Variants in FNDC3B observed in about 807,000 individuals in gnomAD.
The protein encoded by FNDC3B is fibronectin type III domain containing 3B.
In FNDC3B, 12 loss-of-function variants were observed where a neutral mutation model predicts 151.5. That is an observed-to-expected ratio of 0.08 (90% CI 0.05 to 0.13). FNDC3B has a LOEUF of 0.13. Among genes scored for constraint, FNDC3B ranks in the 10% least tolerant of loss-of-function variants. FNDC3B has a pLI of 1.00. For synonymous variants in FNDC3B, 528 were observed against 549.0 expected (o/e 0.96, Z 0.54); for missense variants, 1,214 against 1,505.3 (o/e 0.81, Z 3.20).
intron 6 of FNDC3B, among the ~76,000 whole-genome samples, chr3:172,274,219 T>C (rs6445054): frequency 0.2 from 30,542 of 152,180 alleles, 3,209 homozygotes; most frequent in East Asian, 0.32. Context: ...CCTTCTGTAA[T>C]TGGATATGGC....
intron 3 of FNDC3B, among the ~76,000 whole-genome samples, chr3:172,183,711 A>C (rs1724033468): frequency 6.6e-6 from 1 of 152,186 alleles, no homozygotes; most frequent in Non-Finnish European, 1.5e-5. Flanking sequence ...ATTAAATTCA[A>C]CTATATTATA....
chr3:172,201,313 C>T (rs1725140483), intron 3 of FNDC3B, among the ~76,000 whole-genome samples: 1 of 152,160 alleles, frequency 6.6e-6, no homozygotes, highest in Non-Finnish European at 1.5e-5. Context: ...TGGCTGCTCT[C>T]CAGACCCTGG....
At chr3:172,358,444 T>C (rs1249963118) in intron 22 of FNDC3B, among the ~76,000 whole-genome samples, 1 of 152,258 alleles carries the variant, frequency 6.6e-6, no homozygotes, top group African/African-American at 2.4e-5. Flanking sequence ...GTTCCTGAGA[T>C]CTTTGTCTCA....
chr3:172,220,228 C>A (rs1726213237), intron 3 of FNDC3B, among the ~76,000 whole-genome samples: 1 of 152,026 alleles, frequency 6.6e-6, no homozygotes. Context: ...GGTATCTCAT[C>A]ATGGTTTTGA....
At chr3:172,289,843 G>A (rs73031332) in intron 7 of FNDC3B, among the ~76,000 whole-genome samples, 13,318 of 152,214 alleles carry the variant, frequency 0.087, 1,750 homozygotes, top group African/African-American at 0.28. Flanking sequence ...TGCATTGGCT[G>A]TTACCTGTCT....
At chr3:172,392,301 C>T (rs1317682482) in intron 25 of FNDC3B, among the ~76,000 whole-genome samples, 19 of 152,144 alleles carry the variant, frequency 1.2e-4, no homozygotes, top group Non-Finnish European at 5.9e-5. Context: ...GATAACTCAC[C>T]AGGAGGAATG....
chr3:172,235,155 A>G (rs1433616002), intron 4 of FNDC3B, among the ~76,000 whole-genome samples: 1 of 152,170 alleles, frequency 6.6e-6, no homozygotes, highest in East Asian at 1.9e-4. Flanking sequence ...TTGCACATCA[A>G]TAACATCTAG....
intron 22 of FNDC3B, among the ~76,000 whole-genome samples, chr3:172,358,628 G>A (rs1734210983): frequency 6.6e-6 from 1 of 152,214 alleles, no homozygotes; most frequent in Non-Finnish European, 1.5e-5. Context: ...TGTTGGGATG[G>A]CGTGACACTC....
At chr3:172,397,056 G>T in intron 25 of FNDC3B, 108 bp from the exon 26 acceptor site, 1 of 799,416 alleles carries the variant, frequency 1.3e-6, no homozygotes. Context: ...TTATAAGAGT[G>T]AATGTGAATA....
chr3:172,101,784 A>G (rs1719390610), intron 1 of FNDC3B, among the ~76,000 whole-genome samples: 1 of 152,210 alleles, frequency 6.6e-6, no homozygotes, highest in Non-Finnish European at 1.5e-5. Context: ...GCAATTTATA[A>G]TTTGGTTTCT....
At chr3:172,041,159 G>A (rs1226574220) in intron 1 of FNDC3B, among the ~76,000 whole-genome samples, 1 of 152,056 alleles carries the variant, frequency 6.6e-6, no homozygotes, top group Admixed American at 6.5e-5. Flanking sequence ...CATCCCTGCT[G>A]GTTTCTAGTC....
At chr3:172,201,073 G>T (rs1018443066) in intron 3 of FNDC3B, among the ~76,000 whole-genome samples, 4 of 152,178 alleles carry the variant, frequency 2.6e-5, no homozygotes, top group African/African-American at 9.7e-5. Flanking sequence ...TGTTTGAACA[G>T]TGGTTCAGAA....
chr3:172,067,218 A>G (rs1717543272), intron 1 of FNDC3B, among the ~76,000 whole-genome samples: 1 of 152,174 alleles, frequency 6.6e-6, no homozygotes, highest in Non-Finnish European at 1.5e-5. Flanking sequence ...GATATTATTC[A>G]GACAGCAGTG....
In FNDC3B at chr3:172,189,799, T is replaced by TAAAA. The variant is rs60894339; in HGVS notation, c.188-37042_188-37039dup. Reference sequence around the variant, plus strand: ...CTGGGTGACAGAGTGAGACCTTGTCTAAAAAAAAAAAAAAAAAAAAAAAAA... The same window carrying TAAAA: ...CTGGGTGACAGAGTGAGACCTTGTCTAAAAAAAAAAAAAAAAAAAAAAAAAAAAA... On this transcript the variant is annotated intron_variant, in intron 3 of 25. Coordinates refer to ENST00000415807, the MANE Select transcript of FNDC3B (RefSeq NM_022763.4). 2.0e-4 allele frequency among the ~76,000 whole-genome samples: 17 copies of TAAAA among 84,310 alleles called. 1 individual carries two copies. The highest frequency in any genetic ancestry group is 3.5e-4 in the Non-Finnish European group (16 of 45,562). The allele number at this position is 84,310 out of a possible 152,430, so 55.3% of individuals were successfully genotyped here. A position where few individuals can be genotyped will look rare whatever the true frequency, so the allele number is the denominator to read the frequency against.
intron 3 of FNDC3B, among the ~76,000 whole-genome samples, chr3:172,212,995 G>A (rs986661438): frequency 2.6e-5 from 4 of 152,016 alleles, no homozygotes; most frequent in African/African-American, 9.7e-5. Flanking sequence ...GTATTTTCTG[G>A]TTGTGGCTTT....
At chr3:172,236,965 C>T (rs1281297308) in intron 4 of FNDC3B, among the ~76,000 whole-genome samples, 1 of 152,188 alleles carries the variant, frequency 6.6e-6, no homozygotes, top group Non-Finnish European at 1.5e-5. Context: ...AAAGTACTCA[C>T]AGTTGATTTC....
In FNDC3B at chr3:172,396,781, C is replaced by T. The variant is rs190535551; in HGVS notation, c.3304-383C>T. Among the ~76,000 whole-genome samples the T allele has an allele frequency of 3.0e-4, 45 of 152,338 alleles. 1 individual carries two copies. The highest frequency in any genetic ancestry group is 3.3e-4 in the Admixed American group (5 of 15,306). On this transcript the variant is annotated intron_variant, in intron 25 of 25. Coordinates refer to ENST00000415807, the MANE Select transcript of FNDC3B (RefSeq NM_022763.4). ...GAGGTGGAACAATTTCACTTTGAAA[C>T]TACCCCTGTCCGTGGAAAACTTGTC...
intron 1 of FNDC3B, among the ~76,000 whole-genome samples, chr3:172,107,127 G>C (rs1039331868): frequency 2.0e-5 from 3 of 152,112 alleles, no homozygotes; most frequent in Non-Finnish European, 4.4e-5. Flanking sequence ...AAGTGCCCAC[G>C]TGGCAGCCTT....
intron 6 of FNDC3B, among the ~76,000 whole-genome samples, chr3:172,253,607 A>G (rs760260896): frequency 1.3e-5 from 2 of 152,210 alleles, no homozygotes; most frequent in Non-Finnish European, 2.9e-5. Flanking sequence ...TGATTAATCT[A>G]AAACTATACT....
Sources: allele counts gnomAD v4.1 joint callset (sites outside exome capture counted in the v4.1 genomes callset), GRCh38; gene constraint gnomAD v4.1.1; transcripts MANE v1.5; gene names NCBI Gene and HGNC (gene_info 2026-07-23, HGNC 2026-07-21).